The following VAV2 variants were observed in gnomAD, a reference collection of about 807,000 sequenced individuals.
VAV2 encodes the protein vav guanine nucleotide exchange factor 2, also known as guanine nucleotide exchange factor VAV2.
VAV2 carries 67 observed loss-of-function variants against 132.5 expected under a neutral mutation model. That is an observed-to-expected ratio of 0.51 (90% confidence interval 0.42 to 0.62). The LOEUF is 0.62. Among genes scored for constraint, VAV2 ranks in the 20% least tolerant of loss-of-function variants. The pLI is 0.00. For synonymous variants in VAV2, 492 were observed against 443.5 expected, an observed-to-expected ratio of 1.11 and a Z score of -1.37; for missense variants, 938 against 1,153.6, an observed-to-expected ratio of 0.81 and a Z score of 2.71.
chr9:133,827,427 A>G lies in VAV2; in HGVS notation c.449+6845T>C, dbSNP rs604481. Among the ~76,000 whole-genome samples the G allele has an allele frequency of 6.8e-3, 90 of 13,314 alleles. 1 individual carries two copies. The highest frequency in any genetic ancestry group is 0.013 in the South Asian group (3 of 228). 8.7% of individuals were successfully genotyped at this position (13,314 alleles called of 152,430 possible). On this transcript the variant is annotated intron_variant, in intron 4 of 29. Coordinates refer to ENST00000371850, the MANE Select transcript of VAV2 (RefSeq NM_001134398.2). ...TCGCCAGCTACTGCTGTGCCCACTG[A>G]GGCTGACCACTGAGTGGGGGCATCA...
At chr9:133,843,516 C>T (rs1836808017) in intron 3 of VAV2, among the ~76,000 whole-genome samples, 1 of 152,120 alleles carries the variant, frequency 6.6e-6, no homozygotes, top group Non-Finnish European at 1.5e-5. Flanking sequence ...AGAGTTCCAG[C>T]TTTGTATAAG....
chr9:133,803,874 C>T (rs951508740), intron 9 of VAV2, among the ~76,000 whole-genome samples: 5 of 152,148 alleles, frequency 3.3e-5, no homozygotes, highest in Admixed American at 1.3e-4. Flanking sequence ...CCCTTTTCTA[C>T]TGGGCTCATG....
intron 3 of VAV2, among the ~76,000 whole-genome samples, chr9:133,850,852 A>G (rs1837138989): frequency 6.6e-6 from 1 of 152,188 alleles, no homozygotes; most frequent in Admixed American, 6.5e-5. Context: ...GACACAAGTG[A>G]CATTTGTCCA....
intron 1 of VAV2, among the ~76,000 whole-genome samples, chr9:133,970,944 T>G (rs1842311280): frequency 6.6e-6 from 1 of 152,204 alleles, no homozygotes; most frequent in Non-Finnish European, 1.5e-5. Context: ...CAGGCCAATT[T>G]CTCCCAAGGT....
intron 2 of VAV2, among the ~76,000 whole-genome samples, chr9:133,923,084 A>G (rs1033454954): frequency 6.6e-6 from 1 of 152,254 alleles, no homozygotes; most frequent in African/African-American, 2.4e-5. Flanking sequence ...CAACAAGCAC[A>G]TGAAAACATG....
At chr9:133,870,046 T>C (rs1211523828) in intron 2 of VAV2, among the ~76,000 whole-genome samples, 1 of 151,776 alleles carries the variant, frequency 6.6e-6, no homozygotes, top group Non-Finnish European at 1.5e-5. Flanking sequence ...GACAGAAAAA[T>C]TTGGGGTACT....
At position 133,966,434 on chromosome 9, in the gene VAV2, G is replaced by C. The variant is rs1165874445; in HGVS notation, c.204+25641C>G. 2.6e-5 allele frequency among the ~76,000 whole-genome samples: 4 copies of C among 152,254 alleles called. No individual in the cohort carries two copies. The East Asian group carries it at 7.7e-4, about 29-fold the overall frequency. ...ATACATAAAGAACTCGGTCCAGCGA[G>C]GTGGCTCATGCCTATAATCCCAACA... On this transcript the variant is annotated intron_variant, in intron 1 of 29. Coordinates refer to ENST00000371850, the MANE Select transcript of VAV2 (RefSeq NM_001134398.2).
At chr9:133,897,538 C>T (rs1334396479) in intron 2 of VAV2, among the ~76,000 whole-genome samples, 2 of 152,148 alleles carry the variant, frequency 1.3e-5, no homozygotes, top group African/African-American at 4.8e-5. Flanking sequence ...CCTGTCTCCC[C>T]CAGCCCAGAG....
chr9:133,898,935 C>A (rs1465078478), intron 2 of VAV2, among the ~76,000 whole-genome samples: 1 of 151,774 alleles, frequency 6.6e-6, no homozygotes, highest in Non-Finnish European at 1.5e-5. Flanking sequence ...CATTCTCCTG[C>A]CTCAGCCTCC....
In VAV2 at chr9:133,833,757, G is replaced by C. The variant is rs115731068; in HGVS notation, c.449+515C>G. 1.3e-5 allele frequency among the ~76,000 whole-genome samples: 2 copies of C among 152,148 alleles called. No individual in the cohort carries two copies. The highest frequency in any genetic ancestry group is 2.9e-5 in the Non-Finnish European group (2 of 68,004). ...GAGGCCTCTCAGAGAGAGGAATGAGGTGGACACGGAGAAGAGCAGAGGCGG... is the reference window on the plus strand; with the variant it reads ...GAGGCCTCTCAGAGAGAGGAATGAGCTGGACACGGAGAAGAGCAGAGGCGG... On this transcript the variant is annotated intron_variant, in intron 4 of 29. Transcript: ENST00000371850. This position sits in a 1 kb window ranked among gnomAD's most constrained non-coding sequence, Gnocchi z 5.6.
Position 133,918,443 on chromosome 9 carries a change from T to G in VAV2, c.321+20660A>C, listed in dbSNP as rs1034563778. Among the ~76,000 whole-genome samples the G allele has an allele frequency of 7.4e-5, 11 of 149,518 alleles. No individual in the cohort carries two copies. Among genetic ancestry groups the G allele is most frequent in the Non-Finnish European group, 1.5e-4 (10 of 67,452 alleles). On this transcript the variant is annotated intron_variant, in intron 2 of 29. Coordinates refer to ENST00000371850, the MANE Select transcript of VAV2 (RefSeq NM_001134398.2). This position sits in a 1 kb window ranked among gnomAD's most constrained non-coding sequence, Gnocchi z 4.7. ...ACTCAGAAACCCAGGCCAGGGGCCC[T>G]GGAAAGGCGGCAGACTCCTTCTCGG...
At position 133,890,445 on chromosome 9, in the gene VAV2, T is replaced by C. The variant is rs190139363; in HGVS notation, c.322-29013A>G. On this transcript the variant is annotated intron_variant, in intron 2 of 29. Coordinates refer to ENST00000371850, the MANE Select transcript of VAV2 (RefSeq NM_001134398.2). Reference sequence around the variant, plus strand: ...TCCAAGAGGTGCAGGAAGAAACCACTTGGGAGAGCAGAAATGGGAAAAGTG... The same window carrying C: ...TCCAAGAGGTGCAGGAAGAAACCACCTGGGAGAGCAGAAATGGGAAAAGTG... 3.5e-3 allele frequency among the ~76,000 whole-genome samples: 528 copies of C among 152,254 alleles called. 1 individual carries two copies. The highest frequency in any genetic ancestry group is 0.012 in the African/African-American group (511 of 41,516).
rs920281951 is a variant in VAV2, at chr9:133,778,905, C to T, written c.1763-16G>A. ...ATCTTGGGACCTGCAAAGGATAGGA[C>T]AGCTCACTCAGTGACTCAGCAGCTC... On this transcript the variant is annotated splice_polypyrimidine_tract_variant and intron_variant, in intron 21 of 29. Transcript: ENST00000371850. 1 of 1,609,678 alleles carries T rather than the reference C, an allele frequency of 6.2e-7. No individual in the cohort carries two copies. The highest frequency in any genetic ancestry group is 1.3e-5 in the African/African-American group (1 of 74,900).
chr9:133,915,899 G>C (rs1241857782), intron 2 of VAV2, among the ~76,000 whole-genome samples: 1 of 126,162 alleles, frequency 7.9e-6, no homozygotes, highest in Non-Finnish European at 1.7e-5. Flanking sequence ...ACTCACACAC[G>C]ATGCACACGT....
chr9:133,832,808 C>G (rs1404455600), intron 4 of VAV2, among the ~76,000 whole-genome samples: 2 of 152,142 alleles, frequency 1.3e-5, no homozygotes, highest in Non-Finnish European at 2.9e-5. Flanking sequence ...ATCCGCCCGC[C>G]TCAGCCTCCC....
chr9:133,839,570 C>T (rs3003584), intron 3 of VAV2, among the ~76,000 whole-genome samples: 2,249 of 151,970 alleles, frequency 0.015, 51 homozygotes, highest in African/African-American at 0.051. Flanking sequence ...CCTGTCTCAG[C>T]CTCCAAGTAG....
Position 133,834,861 on chromosome 9 carries a change from G to T in VAV2, c.381-521C>A, listed in dbSNP as rs1298076485. Among the ~76,000 whole-genome samples, 1 of 152,152 alleles carries T rather than the reference G, an allele frequency of 6.6e-6. No individual in the cohort carries two copies. Among genetic ancestry groups the T allele is most frequent in the African/African-American group, 2.4e-5 (1 of 41,432 alleles). ...TCACCCACGCCACCCACCAGCCACT[G>T]GCTTGAGGTCAGGAAGAGAGTCCCG... On this transcript the variant is annotated intron_variant, in intron 3 of 29. Transcript: ENST00000371850. The surrounding 1 kb of genome is among the most constrained non-coding windows in gnomAD (Gnocchi z 5.9).
chr9:133,828,784 A>G (rs3893493), intron 4 of VAV2, among the ~76,000 whole-genome samples: 95,607 of 152,088 alleles, frequency 0.63, 31,567 homozygotes, highest in East Asian at 0.91. Context: ...CGCTGGAACA[A>G]CCCTCAGCCA....
chr9:133,771,863 T>A, intron 26 of VAV2, 96 bp downstream of exon 26: 1 of 1,165,502 alleles, frequency 8.6e-7, no homozygotes, highest in Non-Finnish European at 1.3e-6. Context: ...GAAGAATCAA[T>A]CCTCACAGAA....
Sources: gnomAD v4.1 joint callset for allele counts (sites outside exome capture counted in the v4.1 genomes callset) on GRCh38, gnomAD v4.1.1 for gene constraint, Gnocchi (gnomAD v3.1) non-coding constraint, MANE v1.5 for transcripts, NCBI Gene and HGNC (gene_info 2026-07-23, HGNC 2026-07-21) for gene names.